Variants in SLC2A5 observed in about 807,000 individuals in gnomAD.
SLC2A5 encodes the protein solute carrier family 2 member 5, also known as solute carrier family 2, facilitated glucose transporter member 5.
Under a neutral mutation model 50.3 loss-of-function variants are expected in SLC2A5, and 56 were observed. That is an observed-to-expected ratio of 1.11 (90% CI 0.90 to 1.39). The LOEUF (loss-of-function observed/expected upper bound fraction) is 1.39. Ranked by LOEUF, SLC2A5 falls within the 40% of genes most tolerant of loss-of-function variation. The pLI is 0.00. For missense variants in SLC2A5, 566 were observed against 650.1 expected (o/e 0.87, Z 1.41); for synonymous variants, 269 against 281.9 (o/e 0.95, Z 0.46).
rs902538553 is a variant in SLC2A5 at position 9,037,448 on chromosome 1, G to A, written c.*138C>T. The A allele has an allele frequency of 4.2e-6, 3 of 721,228 alleles. No homozygotes were observed. In the African/African-American group the frequency reaches 5.3e-5, roughly 13 times the overall value. The allele number at this position is 721,228 out of a possible 1,614,324, so 44.7% of individuals were successfully genotyped here. A position where few individuals can be genotyped will look rare whatever the true frequency, so the allele number is the denominator to read the frequency against. Reference sequence around the variant, plus strand: ...CCCTTTGCACAGTTCCCACTGGGGTGGGGAGGCTGGAGATGAGGACTGCAT... The same window carrying A: ...CCCTTTGCACAGTTCCCACTGGGGTAGGGAGGCTGGAGATGAGGACTGCAT... On this transcript the variant is annotated 3_prime_UTR_variant, in exon 12 of 12. Coordinates refer to ENST00000377424, the MANE Select transcript of SLC2A5 (RefSeq NM_003039.3).
At chr1:9,091,348 G>C (rs1642460350), upstream of SLC2A5, among the ~76,000 whole-genome samples, 2 of 152,012 alleles carry the variant, frequency 1.3e-5, no homozygotes, top group South Asian at 4.2e-4. Context: ...CCAACCCATG[G>C]GAAACTCCCT....
chr1:9,065,447 C>A (rs1414644570), intron 1 of SLC2A5, among the ~76,000 whole-genome samples: 1 of 152,248 alleles, frequency 6.6e-6, no homozygotes, highest in African/African-American at 2.4e-5. Context: ...TAGGAATCTG[C>A]AGTCAGAATG....
chr1:9,041,674 G>C, intron 5 of SLC2A5, 111 bp downstream of exon 5: 1 of 1,588,584 alleles, frequency 6.3e-7, no homozygotes, highest in Non-Finnish European at 8.6e-7. Flanking sequence ...CCTGTTAGAA[G>C]AGACCAGTCT....
chr1:9,074,903 G>A (rs1002696698), intron 2 of SLC2A5, among the ~76,000 whole-genome samples: 2 of 151,966 alleles, frequency 1.3e-5, no homozygotes, highest in African/African-American at 4.8e-5. Flanking sequence ...TGCACCTATA[G>A]TCCCAGCTAC....
intron 4 of SLC2A5, among the ~76,000 whole-genome samples, chr1:9,046,056 G>C: frequency 6.6e-6 from 1 of 152,056 alleles, no homozygotes; most frequent in East Asian, 1.9e-4. Flanking sequence ...CTAGCTGAGG[G>C]GTTTATGGAC....
At chr1:9,054,118 T>G (rs1641695263) in intron 3 of SLC2A5, among the ~76,000 whole-genome samples, 1 of 151,748 alleles carries the variant, frequency 6.6e-6, no homozygotes, top group Non-Finnish European at 1.5e-5. Context: ...ATGGGAAATA[T>G]AAGAGATTCA....
chr1:9,087,854 C>T (rs997142955), intron 1 of SLC2A5, among the ~76,000 whole-genome samples: 13 of 152,160 alleles, frequency 8.5e-5, no homozygotes, highest in Non-Finnish European at 1.9e-4. Context: ...TTCTCTCTCT[C>T]TCTCTTCCTC....
Position 9,040,167 on chromosome 1 carries a change from C to T in SLC2A5, c.594G>A (p.Leu198=). The change falls in exon 6 of 12, where the codon CTG becomes CTA. Residue 198 remains leucine (L), a synonymous_variant. Transcript: ENST00000377424. The surrounding 1 kb of genome is among the most constrained non-coding windows in gnomAD (Gnocchi z 4.3). ...GCTGCAGCGCCGCGGGGACCCCGGTCAGCCCCAGCAGGATCGGCCAGCCTG... is the reference window on the plus strand; with the variant it reads ...GCTGCAGCGCCGCGGGGACCCCGGTTAGCCCCAGCAGGATCGGCCAGCCTG... The part of the protein sequence containing the change: ...NVDGWPILLG[L]TGVPAALQLL... 1 of 1,554,130 alleles carries T rather than the reference C, an allele frequency of 6.4e-7. No individual in the cohort carries two copies. The highest frequency in any genetic ancestry group is 8.7e-7 in the Non-Finnish European group (1 of 1,149,970).
At position 9,037,713 on chromosome 1, in the gene SLC2A5, A is replaced by C; in HGVS notation, c.1379T>G (p.Val460Gly). ...LLTTIYIFLI[V>G]PETKAKTFIE... is the part of the protein sequence containing the mutation. ...GAACGTCTTGGCCTTGGTCTCCGGG[A>C]CAATCAAGAAGATGTAGATGGTGGT... Residue 460 changes from valine (V) to glycine (G), a missense_variant, in exon 12 of 12, where the codon GTC (valine) becomes GGC (glycine). Coordinates refer to ENST00000377424, the MANE Select transcript of SLC2A5 (RefSeq NM_003039.3). 6.2e-7 allele frequency: 1 copy of C among 1,614,166 alleles called. No homozygotes were observed. The highest frequency in any genetic ancestry group is 8.5e-7 in the Non-Finnish European group (1 of 1,180,038).
At chr1:9,063,799 C>A (rs1642011311) in intron 1 of SLC2A5, among the ~76,000 whole-genome samples, 1 of 132,202 alleles carries the variant, frequency 7.6e-6, no homozygotes, top group African/African-American at 3.2e-5. Flanking sequence ...GGGTTCACGC[C>A]ATTCTCCTGC....
chr1:9,060,949 A>T (rs1325554074), intron 1 of SLC2A5, among the ~76,000 whole-genome samples: 1 of 137,092 alleles, frequency 7.3e-6, no homozygotes, highest in African/African-American at 2.6e-5. Flanking sequence ...ACAGACAAAG[A>T]GAGAGGGGTG....
intron 3 of SLC2A5, among the ~76,000 whole-genome samples, chr1:9,053,181 TTA>T (rs1641636191): frequency 1.1e-5 from 1 of 92,980 alleles, no homozygotes; most frequent in Non-Finnish European, 1.9e-5. Flanking sequence ...TTTTATATAT[TTA>T]TATATTATAT....
At chr1:9,073,778 A>G (rs1434650901), upstream of SLC2A5, among the ~76,000 whole-genome samples, 1 of 152,160 alleles carries the variant, frequency 6.6e-6, no homozygotes, top group Non-Finnish European at 1.5e-5. Flanking sequence ...TAGTTAGTTC[A>G]TTTGCAGATG....
chr1:9,075,105 C>T (rs1193201810), intron 2 of SLC2A5, among the ~76,000 whole-genome samples: 1 of 151,954 alleles, frequency 6.6e-6, no homozygotes, highest in Non-Finnish European at 1.5e-5. Context: ...GTTGGCAGCA[C>T]CAGGGGAAAG....
At chr1:9,069,429 G>C in intron 1 of SLC2A5, 75 bp downstream of exon 1, 2 of 1,499,156 alleles carry the variant, frequency 1.3e-6, no homozygotes, top group Non-Finnish European at 1.8e-6. Context: ...GCCCCCCAGC[G>C]ACTCTCCAGG....
chr1:9,086,403 T>TA (rs1642402383), intron 1 of SLC2A5, among the ~76,000 whole-genome samples: 1 of 142,792 alleles, frequency 7.0e-6, no homozygotes, highest in Non-Finnish European at 1.6e-5. Context: ...TTTTTTTTTT[T>TA]ATTGAGATGA....
chr1:9,060,073 TACAC>T (rs142027521), intron 1 of SLC2A5, among the ~76,000 whole-genome samples: 24 of 119,946 alleles, frequency 2.0e-4, no homozygotes, highest in African/African-American at 5.1e-4. Flanking sequence ...ATACACACAC[TACAC>T]ACACACACTA....
At chr1:9,053,106 AAT>A (rs1491253435) in intron 3 of SLC2A5, among the ~76,000 whole-genome samples, 2 of 107,386 alleles carry the variant, frequency 1.9e-5, no homozygotes, top group East Asian at 4.5e-4. Flanking sequence ...ATTTATATAT[AAT>A]ATATATTATA....
chr1:9,093,471 TC>T (rs145703541), upstream of SLC2A5, among the ~76,000 whole-genome samples: 2,117 of 152,212 alleles, frequency 0.014, 28 homozygotes, highest in Middle Eastern at 0.034. Flanking sequence ...TCTCTTTGTC[TC>T]CCAAACTTTC....
Sources: gnomAD v4.1 joint callset for allele counts (sites outside exome capture counted in the v4.1 genomes callset) on GRCh38, gnomAD v4.1.1 for gene constraint, Gnocchi (gnomAD v3.1) non-coding constraint, MANE v1.5 for transcripts, NCBI Gene and HGNC (gene_info 2026-07-23, HGNC 2026-07-21) for gene names.